UBE2E2: variants seen among roughly 807,000 people sequenced by gnomAD.
The protein encoded by UBE2E2 is ubiquitin-conjugating enzyme E2 E2.
UBE2E2 carries 6 observed loss-of-function variants against 24.7 expected under a neutral mutation model. The observed-to-expected ratio is 0.24, with a 90% CI of 0.13 to 0.48. UBE2E2 has a LOEUF of 0.48. Ranked by LOEUF, UBE2E2 falls within the 20% of genes least tolerant of loss-of-function variation. UBE2E2 has a pLI of 0.99. For missense variants in UBE2E2, 169 were observed against 245.0 expected (o/e 0.69, Z 2.07); for synonymous variants, 104 against 83.6 (o/e 1.24, Z -1.33).
chr3:23,268,429 T>C (rs1325008573), intron 3 of UBE2E2, among the ~76,000 whole-genome samples: 1 of 151,894 alleles, frequency 6.6e-6, no homozygotes, highest in African/African-American at 2.4e-5. Context: ...AACAGCCAAA[T>C]CATGAGTGAA....
At chr3:23,213,638 G>A (rs1465172149) in intron 2 of UBE2E2, among the ~76,000 whole-genome samples, 1 of 152,134 alleles carries the variant, frequency 6.6e-6, no homozygotes, top group Non-Finnish European at 1.5e-5. Flanking sequence ...GATTGTTCAG[G>A]TGATTTTTGT....
intron 5 of UBE2E2, among the ~76,000 whole-genome samples, chr3:23,551,531 A>G (rs1326426455): frequency 6.6e-6 from 1 of 152,228 alleles, no homozygotes; most frequent in Non-Finnish European, 1.5e-5. Context: ...TGTAGGACTT[A>G]CATGGCTGGC....
chr3:23,486,813 C>T (rs1159236360), intron 3 of UBE2E2, among the ~76,000 whole-genome samples: 2 of 152,070 alleles, frequency 1.3e-5, no homozygotes, highest in African/African-American at 4.8e-5. Context: ...GGTCCATGGT[C>T]GGGCCTGGAA....
intron 3 of UBE2E2, among the ~76,000 whole-genome samples, chr3:23,301,032 T>C (rs1039541360): frequency 6.6e-6 from 1 of 152,226 alleles, no homozygotes; most frequent in Admixed American, 6.5e-5. Context: ...ATTTCATTCG[T>C]TTAGTCTTCC....
intron 2 of UBE2E2, among the ~76,000 whole-genome samples, chr3:23,215,891 C>A (rs1015258276): frequency 2.0e-5 from 3 of 152,088 alleles, no homozygotes; most frequent in Admixed American, 2.0e-4. Flanking sequence ...AATATCTTCT[C>A]CTATATCAAA....
intron 3 of UBE2E2, among the ~76,000 whole-genome samples, chr3:23,472,913 A>G (rs1699058660): frequency 1.3e-5 from 2 of 152,056 alleles, no homozygotes; most frequent in South Asian, 4.1e-4. Flanking sequence ...TTGGCCTCCC[A>G]GACTGCTGGA....
At chr3:23,492,342 T>C (rs1227030845) in intron 3 of UBE2E2, among the ~76,000 whole-genome samples, 1 of 152,218 alleles carries the variant, frequency 6.6e-6, no homozygotes, top group East Asian at 1.9e-4. Flanking sequence ...CTAAAGCTTT[T>C]GAAAAATCCC....
At chr3:23,535,379 G>T (rs149549246) in intron 5 of UBE2E2, among the ~76,000 whole-genome samples, 1 of 152,120 alleles carries the variant, frequency 6.6e-6, no homozygotes, top group Non-Finnish European at 1.5e-5. Context: ...AGATAGTATC[G>T]AATAGTATCT....
Position 23,589,597 on chromosome 3 carries a change from C to A in UBE2E2, c.509-137C>A. The stretch of plus-strand genomic sequence containing the variant: ...TAGTCTGTCAGCAGCAGGTGACTGG[C>A]TCAGCCGCAGCAATGGTGGTCCAGG... On this transcript the variant is annotated intron_variant, in intron 5 of 5. Transcript: ENST00000396703. This position sits in a 1 kb window ranked among gnomAD's most constrained non-coding sequence, Gnocchi z 4.1. 1 of 781,010 alleles carries A rather than the reference C, an allele frequency of 1.3e-6. No individual in the cohort carries two copies. Among genetic ancestry groups the A allele is most frequent in the Non-Finnish European group, 2.1e-6 (1 of 479,388 alleles). 48.4% of individuals were successfully genotyped at this position (781,010 alleles called of 1,614,324 possible). A position where few individuals can be genotyped will look rare whatever the true frequency, so the allele number is the denominator to read the frequency against.
chr3:23,563,984 A>AG (rs1695999279), intron 5 of UBE2E2, among the ~76,000 whole-genome samples: 2 of 151,512 alleles, frequency 1.3e-5, no homozygotes, highest in African/African-American at 4.9e-5. Flanking sequence ...AGAAAGAAAG[A>AG]AAGAAAAAGA....
intron 3 of UBE2E2, among the ~76,000 whole-genome samples, chr3:23,452,269 T>G (rs1698577244): frequency 6.6e-6 from 1 of 152,196 alleles, no homozygotes. Context: ...CTACATTTAC[T>G]TGTCAGCAAG....
chr3:23,414,341 A>G (rs1575613770), intron 3 of UBE2E2, among the ~76,000 whole-genome samples: 1 of 152,278 alleles, frequency 6.6e-6, no homozygotes, highest in East Asian at 1.9e-4. Context: ...GCTGGTGCAC[A>G]CTTGTTAAAG....
chr3:23,326,130 G>A (rs1294423638), intron 3 of UBE2E2, among the ~76,000 whole-genome samples: 1 of 152,134 alleles, frequency 6.6e-6, no homozygotes, highest in Admixed American at 6.5e-5. Context: ...GGAGTGCAGT[G>A]GCGCGATCTT....
intron 4 of UBE2E2, among the ~76,000 whole-genome samples, chr3:23,504,774 C>T (rs1694396245): frequency 6.6e-6 from 1 of 151,974 alleles, no homozygotes; most frequent in African/African-American, 2.4e-5. Context: ...AAAAGTCTTA[C>T]ATCAAATAAA....
At chr3:23,422,083 T>G (rs1038870056) in intron 3 of UBE2E2, among the ~76,000 whole-genome samples, 1 of 152,220 alleles carries the variant, frequency 6.6e-6, no homozygotes, top group African/African-American at 2.4e-5. Context: ...TTTTGTTGTA[T>G]TGAATGAAGT....
At chr3:23,401,470 A>T (rs1008278661) in intron 3 of UBE2E2, among the ~76,000 whole-genome samples, 1 of 152,208 alleles carries the variant, frequency 6.6e-6, no homozygotes, top group African/African-American at 2.4e-5. Flanking sequence ...CGTTTGCTCA[A>T]GATCACCTTG....
intron 4 of UBE2E2, among the ~76,000 whole-genome samples, chr3:23,503,370 T>C (rs1445049784): frequency 6.6e-6 from 1 of 151,760 alleles, no homozygotes; most frequent in East Asian, 2.0e-4. Context: ...TTTGTATTTT[T>C]AGTGGAGACA....
In UBE2E2 at chr3:23,386,458, G is replaced by A. The variant is rs550962317; in HGVS notation, c.228-113150G>A. Among the ~76,000 whole-genome samples the A allele has an allele frequency of 2.2e-4, 34 of 152,260 alleles. No homozygotes were observed. In the South Asian group the frequency reaches 6.6e-3, roughly 30 times the overall value. On this transcript the variant is annotated intron_variant, in intron 3 of 5. Coordinates refer to ENST00000396703, the MANE Select transcript of UBE2E2 (RefSeq NM_152653.4). Reference sequence around the variant, plus strand: ...CGGGGACACGAACATTCGGACCATAGCAGAAAGTATCCGTAAAGGAATAAG... The same window carrying A: ...CGGGGACACGAACATTCGGACCATAACAGAAAGTATCCGTAAAGGAATAAG...
intron 3 of UBE2E2, among the ~76,000 whole-genome samples, chr3:23,494,308 C>G (rs983788829): frequency 2.0e-5 from 3 of 152,174 alleles, no homozygotes; most frequent in African/African-American, 7.2e-5. Flanking sequence ...AGCATATTTT[C>G]ATACATCTTT....
Sources: gnomAD v4.1 joint callset for allele counts (sites outside exome capture counted in the v4.1 genomes callset) on GRCh38, gnomAD v4.1.1 for gene constraint, Gnocchi (gnomAD v3.1) non-coding constraint, MANE v1.5 for transcripts, NCBI Gene and HGNC (gene_info 2026-07-23, HGNC 2026-07-21) for gene names.